The following PCDHGA1 variants were observed in gnomAD, a reference collection of about 807,000 sequenced individuals.
PCDHGA1 encodes the protein protocadherin gamma subfamily A, 1.
Under a neutral mutation model 58.0 loss-of-function variants are expected in PCDHGA1, and 32 were observed. The observed-to-expected ratio is 0.55, with a 90% CI of 0.42 to 0.74. The LOEUF (loss-of-function observed/expected upper bound fraction) is 0.74. Ranked by LOEUF, PCDHGA1 falls within the 30% of genes least tolerant of loss-of-function variation. PCDHGA1 has a pLI of 0.00. For synonymous variants in PCDHGA1, 498 were observed against 501.1 expected, an observed-to-expected ratio of 0.99 and a Z score of 0.08; for missense variants, 1,205 against 1,182.3, an observed-to-expected ratio of 1.02 and a Z score of -0.28.
chr5:141,471,046 C>CTTTT (rs1170588345), intron 1 of PCDHGA1, among the ~76,000 whole-genome samples: 3 of 113,278 alleles, frequency 2.6e-5, no homozygotes, highest in African/African-American at 7.1e-5. Flanking sequence ...CCCAAGCCCT[C>CTTTT]TTTTTTTTTT....
At chr5:141,414,020 C>A in intron 1 of PCDHGA1, 1 of 1,612,618 alleles carries the variant, frequency 6.2e-7, no homozygotes. Flanking sequence ...GGAGAAGTGA[C>A]ATATTCATTC....
chr5:141,481,895 A>G (rs1285005477), intron 1 of PCDHGA1, among the ~76,000 whole-genome samples: 2 of 147,522 alleles, frequency 1.4e-5, no homozygotes, highest in Non-Finnish European at 3.0e-5. Context: ...GCCTGGGTGA[A>G]AGAGCGAAAC....
intron 1 of PCDHGA1, chr5:141,414,177 T>G (rs370827396): frequency 1.7e-5 from 28 of 1,607,906 alleles, no homozygotes; most frequent in Non-Finnish European, 2.2e-5. Flanking sequence ...ATCTTGCAAC[T>G]GCAAAAGTGT....
chr5:141,426,369 A>G, intron 1 of PCDHGA1: 1 of 205,906 alleles, frequency 4.9e-6, no homozygotes, highest in Non-Finnish European at 1.0e-5. Context: ...TCTGCGGGGC[A>G]CCCTCGGAGC....
At chr5:141,449,876 C>T (rs924666805) in intron 1 of PCDHGA1, among the ~76,000 whole-genome samples, 1 of 151,724 alleles carries the variant, frequency 6.6e-6, no homozygotes, top group African/African-American at 2.4e-5. Context: ...AATTTAACAT[C>T]AATGCAATAT....
intron 1 of PCDHGA1, chr5:141,441,330 C>T (rs919906372): frequency 8.5e-5 from 13 of 152,170 alleles, no homozygotes; most frequent in Admixed American, 1.3e-4. Context: ...AATCTTCCTC[C>T]AATAATTAAC....
At chr5:141,352,195 A>T (rs1010482116) in intron 1 of PCDHGA1, 166 of 1,613,752 alleles carry the variant, frequency 1.0e-4, no homozygotes, top group Non-Finnish European at 1.3e-4. Flanking sequence ...TGCGTGATGG[A>T]GGACAGCCGC....
intron 1 of PCDHGA1, chr5:141,351,877 C>A (rs932577945): frequency 1.9e-6 from 3 of 1,613,314 alleles, no homozygotes; most frequent in Non-Finnish European, 2.5e-6. Flanking sequence ...CCGCGCTCAG[C>A]GCCAACGTGA....
chr5:141,346,700 G>A (rs191297136), intron 1 of PCDHGA1, among the ~76,000 whole-genome samples: 2 of 152,254 alleles, frequency 1.3e-5, no homozygotes, highest in South Asian at 2.1e-4. Context: ...ACTTCCTAGA[G>A]GAATCTGCCA....
chr5:141,374,902 C>T (rs1481689020), intron 1 of PCDHGA1: 2 of 1,613,754 alleles, frequency 1.2e-6, no homozygotes, highest in Middle Eastern at 1.6e-4. Flanking sequence ...ATGAAGGAGT[C>T]CACGGGGAAG....
intron 1 of PCDHGA1, chr5:141,423,905 G>T: frequency 7.9e-7 from 1 of 1,273,594 alleles, no homozygotes; most frequent in Non-Finnish European, 9.9e-7. Flanking sequence ...GATTTCAAAG[G>T]GGCCATTCAA....
Position 141,332,650 on chromosome 5 carries a change from G to A in PCDHGA1, c.1966G>A (p.Ala656Thr), listed in dbSNP as rs778217180. 6 of 1,613,148 alleles carry A rather than the reference G, an allele frequency of 3.7e-6. No homozygotes were observed. The South Asian group carries it at 5.5e-5, about 15-fold the overall frequency. The change falls in exon 1 of 4, where the codon GCC becomes ACC. Residue 656 changes from alanine (A) to threonine (T), a missense_variant. Physicochemically the swap from Ala to Thr is moderately conservative, Grantham distance 58 (BLOSUM62 0). Transcript: ENST00000517417. This position sits in a 1 kb window ranked among gnomAD's most constrained non-coding sequence, Gnocchi z 4.6. ...VQDHGQPPLSATVTLTVAVAD... is the reference protein window; with the variant it reads ...VQDHGQPPLSTTVTLTVAVAD... ...GGACCACGGCCAGCCCCCGCTCTCCGCCACTGTCACGCTCACCGTGGCCGT... is the reference window on the plus strand; with the variant it reads ...GGACCACGGCCAGCCCCCGCTCTCCACCACTGTCACGCTCACCGTGGCCGT...
chr5:141,333,333 G>A, intron 1 of PCDHGA1: 1 of 709,282 alleles, frequency 1.4e-6, no homozygotes, highest in Non-Finnish European at 2.3e-6. Context: ...AGGTGGTTGG[G>A]TTGAAGGTAT....
At chr5:141,472,022 T>A (rs949257396) in intron 1 of PCDHGA1, among the ~76,000 whole-genome samples, 6 of 152,176 alleles carry the variant, frequency 3.9e-5, no homozygotes, top group African/African-American at 1.4e-4. Context: ...CTATATTGTA[T>A]GTAGAAAGCT....
intron 1 of PCDHGA1, chr5:141,414,875 T>G: frequency 6.2e-7 from 1 of 1,614,196 alleles, no homozygotes; most frequent in Non-Finnish European, 8.5e-7. Context: ...CCCGAGATCC[T>G]GTACCCCGCC....
intron 1 of PCDHGA1, chr5:141,376,537 G>A (rs753618601): frequency 1.2e-6 from 2 of 1,613,388 alleles, no homozygotes; most frequent in African/African-American, 1.3e-5. Context: ...AGCGGGAAGA[G>A]TAATCTGATC....
intron 1 of PCDHGA1, chr5:141,415,000 T>G: frequency 6.2e-7 from 1 of 1,613,660 alleles, no homozygotes; most frequent in Non-Finnish European, 8.5e-7. Context: ...CGCCTGGCTG[T>G]CCTACCGTCT....
At chr5:141,341,541 A>G in intron 1 of PCDHGA1, 1 of 1,464,776 alleles carries the variant, frequency 6.8e-7, no homozygotes, top group Non-Finnish European at 9.1e-7. Flanking sequence ...ATTTCTTGGT[A>G]GGTCTTAGTG....
chr5:141,404,018 G>A (rs1280619437), intron 1 of PCDHGA1: 1 of 1,613,864 alleles, frequency 6.2e-7, no homozygotes, highest in African/African-American at 1.3e-5. Flanking sequence ...GTTTAGCCCA[G>A]TGAGAGAAGA....
Sources: gnomAD v4.1 joint callset for allele counts (sites outside exome capture counted in the v4.1 genomes callset) on GRCh38, gnomAD v4.1.1 for gene constraint, Gnocchi (gnomAD v3.1) non-coding constraint, MANE v1.5 for transcripts, NCBI Gene and HGNC (gene_info 2026-07-23, HGNC 2026-07-21) for gene names.